Variants in RUNDC3B observed in about 807,000 individuals in gnomAD.
RUNDC3B encodes RUN domain-containing protein 3B.
A neutral mutation model predicts 58.4 loss-of-function variants in RUNDC3B; 33 were observed. The observed-to-expected ratio is 0.56, with a 90% CI of 0.43 to 0.75. The LOEUF (loss-of-function observed/expected upper bound fraction) is 0.75. Ranked by LOEUF, RUNDC3B falls within the 30% of genes least tolerant of loss-of-function variation. The pLI is 0.00. For synonymous variants in RUNDC3B, 193 were observed against 195.2 expected (o/e 0.99, Z 0.10); for missense variants, 501 against 535.7 (o/e 0.94, Z 0.64).
At chr7:87,796,205 G>T (rs1468660669) in intron 8 of RUNDC3B, among the ~76,000 whole-genome samples, 1 of 152,182 alleles carries the variant, frequency 6.6e-6, no homozygotes, top group East Asian at 1.9e-4. Context: ...AAGCCAGGAA[G>T]AGAAAGAAAA....
At chr7:87,746,368 C>A (rs1832641627) in intron 6 of RUNDC3B, among the ~76,000 whole-genome samples, 1 of 152,146 alleles carries the variant, frequency 6.6e-6, no homozygotes, top group South Asian at 2.1e-4. Flanking sequence ...GACTTTCTGT[C>A]TTGATGACCT....
At chr7:87,634,794 C>CT (rs1209647019) in intron 1 of RUNDC3B, among the ~76,000 whole-genome samples, 1 of 152,034 alleles carries the variant, frequency 6.6e-6, no homozygotes, top group Non-Finnish European at 1.5e-5. Flanking sequence ...TGTAGTAGAA[C>CT]TTTGAGTTTG....
At chr7:87,647,483 A>G (rs569542796) in intron 1 of RUNDC3B, among the ~76,000 whole-genome samples, 6 of 152,178 alleles carry the variant, frequency 3.9e-5, no homozygotes, top group Admixed American at 6.5e-5. Flanking sequence ...ACATGTAAAC[A>G]TTGCTACATT....
intron 9 of RUNDC3B, among the ~76,000 whole-genome samples, chr7:87,810,248 A>G (rs1836640880): frequency 6.6e-6 from 1 of 152,222 alleles, no homozygotes; most frequent in Non-Finnish European, 1.5e-5. Context: ...TCAGAACCAG[A>G]AAAGGTTCAG....
intron 8 of RUNDC3B, among the ~76,000 whole-genome samples, chr7:87,785,771 C>T (rs1000954348): frequency 1.3e-5 from 2 of 152,262 alleles, no homozygotes; most frequent in African/African-American, 4.8e-5. Context: ...CTATGGTTGC[C>T]TTTTGCTGTA....
chr7:87,704,039 A>G (rs993031799), intron 3 of RUNDC3B, among the ~76,000 whole-genome samples: 15 of 143,996 alleles, frequency 1.0e-4, no homozygotes, highest in African/African-American at 3.1e-4. Flanking sequence ...TCCTGCCTCA[A>G]CCTCCTGAGT....
chr7:87,629,701 G>T (rs1374486289), intron 1 of RUNDC3B, among the ~76,000 whole-genome samples: 1 of 152,110 alleles, frequency 6.6e-6, no homozygotes, highest in East Asian at 1.9e-4. Flanking sequence ...GCTGAGGCGG[G>T]CGGATCACGA....
At chr7:87,816,074 A>G (rs1837012552) in intron 9 of RUNDC3B, 67 bp from the exon 10 acceptor site, 1 of 1,131,502 alleles carries the variant, frequency 8.8e-7, no homozygotes, top group South Asian at 1.4e-5. Flanking sequence ...AAACCATTAA[A>G]TAACCACTCA....
intron 1 of RUNDC3B, among the ~76,000 whole-genome samples, chr7:87,637,515 T>C (rs1006232468): frequency 2.6e-5 from 4 of 152,178 alleles, no homozygotes; most frequent in Non-Finnish European, 5.9e-5. Context: ...AAAACTGCCA[T>C]CTTTATGATA....
intron 4 of RUNDC3B, among the ~76,000 whole-genome samples, chr7:87,732,954 G>A (rs1197073335): frequency 1.3e-5 from 2 of 152,170 alleles, no homozygotes; most frequent in African/African-American, 4.8e-5. Context: ...ATATTAATCA[G>A]CAGTAACAAT....
intron 8 of RUNDC3B, among the ~76,000 whole-genome samples, chr7:87,785,113 C>T (rs1835138293): frequency 6.6e-6 from 1 of 151,980 alleles, no homozygotes; most frequent in Non-Finnish European, 1.5e-5. Context: ...GGGTTTTTAG[C>T]CTGGCAAATG....
intron 6 of RUNDC3B, among the ~76,000 whole-genome samples, chr7:87,749,159 T>G (rs1337105237): frequency 1.3e-5 from 2 of 152,178 alleles, no homozygotes; most frequent in Non-Finnish European, 2.9e-5. Flanking sequence ...AAGGCTGTAT[T>G]CAGTGATTTA....
At chr7:87,637,060 A>G (rs1821847839) in intron 1 of RUNDC3B, among the ~76,000 whole-genome samples, 1 of 152,174 alleles carries the variant, frequency 6.6e-6, no homozygotes, top group African/African-American at 2.4e-5. Flanking sequence ...CTATCATGAG[A>G]CTAGCATGGG....
intron 4 of RUNDC3B, among the ~76,000 whole-genome samples, chr7:87,732,278 C>A (rs531930528): frequency 6.6e-6 from 1 of 151,956 alleles, no homozygotes; most frequent in East Asian, 1.9e-4. Context: ...ATGTTTATAG[C>A]AAGAAGTGCT....
intron 4 of RUNDC3B, among the ~76,000 whole-genome samples, chr7:87,734,010 G>T (rs1442135698): frequency 1.3e-5 from 2 of 152,176 alleles, no homozygotes; most frequent in East Asian, 1.9e-4. Flanking sequence ...CTTCTCCAAG[G>T]GGGGTATACA....
In RUNDC3B at chr7:87,700,508, T is replaced by C; in HGVS notation, c.326T>C (p.Ile109Thr). 1 of 1,613,510 alleles carries C rather than the reference T, an allele frequency of 6.2e-7. No individual in the cohort carries two copies. The highest frequency in any genetic ancestry group is 8.5e-7 in the Non-Finnish European group (1 of 1,179,672). Residue 109 changes from isoleucine (I) to threonine (T), a missense_variant, in exon 3 of 11, where the codon ATC (isoleucine) becomes ACC (threonine). Transcript: ENST00000394654. Reference protein sequence around the residue: ...VACRKVSQNCICSIENMENVS... With the variant: ...VACRKVSQNCTCSIENMENVS... ...TGCCGGAAAGTTTCACAGAATTGTA[T>C]CTGCAGCATTGAAAATATGGAAAAT...
intron 7 of RUNDC3B, among the ~76,000 whole-genome samples, chr7:87,774,483 T>A (rs965272790): frequency 6.6e-6 from 1 of 152,016 alleles, no homozygotes; most frequent in African/African-American, 2.4e-5. Context: ...GCAAGAATAA[T>A]TTTTTTAAAA....
At chr7:87,688,035 C>A (rs1157383545) in intron 2 of RUNDC3B, among the ~76,000 whole-genome samples, 1 of 152,060 alleles carries the variant, frequency 6.6e-6, no homozygotes, top group African/African-American at 2.4e-5. Flanking sequence ...TATACTCAGG[C>A]CAAAACATGA....
chr7:87,715,325 TTA>T (rs1460439012), intron 4 of RUNDC3B, among the ~76,000 whole-genome samples: 16 of 120,994 alleles, frequency 1.3e-4, no homozygotes, highest in East Asian at 6.9e-4. Context: ...TTTATAATAA[TTA>T]TATATAATTA....
Sources: gnomAD v4.1 joint callset for allele counts (sites outside exome capture counted in the v4.1 genomes callset) on GRCh38, gnomAD v4.1.1 for gene constraint, MANE v1.5 for transcripts, NCBI Gene and HGNC (gene_info 2026-07-23, HGNC 2026-07-21) for gene names.